Variants in DNMT1 observed in about 807,000 individuals in gnomAD.
The protein encoded by DNMT1 is DNA methyltransferase 1.
DNMT1 carries 24 observed loss-of-function variants against 205.3 expected under a neutral mutation model. The ratio of observed to expected loss-of-function variants is 0.12; its 90% CI spans 0.08 to 0.16. The LOEUF is 0.16. Among genes scored for constraint, DNMT1 ranks in the 10% least tolerant of loss-of-function variants. DNMT1 has a pLI of 1.00. For missense variants in DNMT1, 1,293 were observed against 2,177.7 expected (o/e 0.59, Z 8.09); for synonymous variants, 817 against 839.8 (o/e 0.97, Z 0.47).
intron 1 of DNMT1, among the ~76,000 whole-genome samples, chr19:10,193,483 T>C (rs980244178): frequency 2.0e-5 from 3 of 151,806 alleles, no homozygotes; most frequent in Middle Eastern, 3.2e-3. Context: ...CCCACCTTAG[T>C]CTGTTGAGTA....
intron 19 of DNMT1, 68 bp from the exon 20 acceptor site, chr19:10,155,124 A>G (rs2038429753): frequency 1.2e-6 from 2 of 1,601,668 alleles, no homozygotes; most frequent in Non-Finnish European, 1.7e-6. Flanking sequence ...GCCACAGGGC[A>G]TGGAGGAGTC....
chr19:10,137,763 G>A lies in DNMT1; in HGVS notation c.4293+69C>T, dbSNP rs2089519460. On this transcript the variant is annotated intron_variant, in intron 36 of 40. Transcript: ENST00000359526. The surrounding 1 kb of genome is among the most constrained non-coding windows in gnomAD (Gnocchi z 6.4). ...CCATGTCTCCCCTGAGTCTTGGGCA[G>A]GCTGACTGTTCCCACGAGGCTGCTG... 4 of 1,572,076 alleles carry A rather than the reference G, an allele frequency of 2.5e-6. No homozygotes were observed. Among genetic ancestry groups the A allele is most frequent in the East Asian group, 2.3e-5 (1 of 42,988 alleles).
intron 12 of DNMT1, 23 bp from the exon 13 acceptor site, chr19:10,162,771 G>A (rs1233244565): frequency 1.2e-6 from 2 of 1,612,730 alleles, no homozygotes; most frequent in Non-Finnish European, 1.7e-6. Flanking sequence ...CAGATACACA[G>A]CAAGTAGCAG....
chr19:10,150,110 T>C, intron 24 of DNMT1, 142 bp from the exon 25 acceptor site: 2 of 765,738 alleles, frequency 2.6e-6, no homozygotes, highest in East Asian at 5.3e-5. Flanking sequence ...AAAGAGAACA[T>C]CCTGTTCTAC....
At chr19:10,193,444 G>T (rs2145414157) in intron 1 of DNMT1, among the ~76,000 whole-genome samples, 1 of 148,968 alleles carries the variant, frequency 6.7e-6, no homozygotes, top group South Asian at 2.3e-4. Flanking sequence ...GCTACACACA[G>T]CCTCAACCTC....
Position 10,151,457 on chromosome 19 carries a change from G to C in DNMT1, c.2206C>G (p.Gln736Glu), listed in dbSNP as rs766357104. 1.4e-5 allele frequency: 22 copies of C among 1,613,952 alleles called. No individual in the cohort carries two copies. Among genetic ancestry groups the C allele is most frequent in the Admixed American group, 1.7e-5 (1 of 59,984 alleles). The change falls in exon 24 of 41, where the codon CAG becomes GAG. Residue 736 changes from glutamine (Q) to glutamate (E), a missense_variant. By Grantham distance (29) the Gln-to-Glu change is conservative. Transcript: ENST00000359526. This position sits in a 1 kb window ranked among gnomAD's most constrained non-coding sequence, Gnocchi z 5.0. The part of the protein sequence containing the change: ...PEMPSPKKMH[Q>E]GKKKKQNKNR... Reference sequence around the variant, plus strand: ...TTGTTCTGTTTCTTCTTCTTCCCCTGGTGCATTTTTTTGGGTGACGGCATC... The same window carrying C: ...TTGTTCTGTTTCTTCTTCTTCCCCTCGTGCATTTTTTTGGGTGACGGCATC...
rs368834599 is a variant in DNMT1 at position 10,149,564 on chromosome 19, C to T, written c.2475G>A (p.Ser825=). 7.6e-5 allele frequency: 123 copies of T among 1,613,938 alleles called. No individual in the cohort carries two copies. The highest frequency in any genetic ancestry group is 3.6e-4 in the African/African-American group (27 of 74,966). ...AGTDTVLGAT[S]DPLELFLVDE... ...CCACCAAGAACAGCTCCAGAGGGTC[C>T]GACGTGGCCCCGAGGACTGTGTCTG... is the stretch of plus-strand genomic sequence containing the variant. The change falls in exon 26 of 41, where the codon TCG becomes TCA. Residue 825 remains serine (S), a synonymous_variant. Coordinates refer to ENST00000359526, the MANE Select transcript of DNMT1 (RefSeq NM_001130823.3).
rs760003805 is a variant in DNMT1, at chr19:10,143,908, A to G, written c.2974T>C (p.Tyr992His). The G allele has an allele frequency of 6.2e-7, 1 of 1,614,048 alleles. No homozygotes were observed. The highest frequency in any genetic ancestry group is 1.7e-5 in the Admixed American group (1 of 60,004). The change falls in exon 29 of 41, where the codon TAC (tyrosine) becomes CAC (histidine). Residue 992 changes from tyrosine to histidine, a missense_variant. By Grantham distance (83) the Tyr-to-His change is moderately conservative. Transcript: ENST00000359526. ...TTGCTGCCTTTGATGTAGTCGGAGT[A>G]TTTCCGGTAGTGCTCTGGGTACAGG... ...EDLYPEHYRK[Y>H]SDYIKGSNLD...
In DNMT1 at chr19:10,143,804, A is replaced by G. The variant is rs1329787369; in HGVS notation, c.3078T>C (p.Asn1026=). 1.9e-6 allele frequency: 3 copies of G among 1,614,024 alleles called. No individual in the cohort carries two copies. The highest frequency in any genetic ancestry group is 2.5e-6 in the Non-Finnish European group (3 of 1,180,018). The part of the protein sequence containing the change: ...FCPKKSNGRP[N]ETDIKIRVNK... ...TGACCCGGATTTTGATGTCAGTCTC[A>G]TTGGGCCTGCCGTTGCTCTTCTTGG... is the stretch of plus-strand genomic sequence containing the variant. Residue 1026 remains asparagine, a synonymous_variant, in exon 29 of 41, where the codon AAT becomes AAC. Coordinates refer to ENST00000359526, the MANE Select transcript of DNMT1 (RefSeq NM_001130823.3).
Position 10,138,805 on chromosome 19 carries a change from G to A in DNMT1, c.3949-200C>T, listed in dbSNP as rs891473423. ...GCAGATAAAGAACAAAAGCAGCTGA[G>A]CCCAGGGGACAGCCACTGGGGAAGG... is the stretch of plus-strand genomic sequence containing the variant. On this transcript the variant is annotated intron_variant, in intron 34 of 40. Transcript: ENST00000359526. The surrounding 1 kb of genome is among the most constrained non-coding windows in gnomAD (Gnocchi z 4.1). 3.9e-4 allele frequency among the ~76,000 whole-genome samples: 59 copies of A among 152,218 alleles called. No homozygotes were observed. The highest frequency in any genetic ancestry group is 1.4e-3 in the African/African-American group (56 of 41,460).
rs970719002 is a variant in DNMT1 at position 10,169,130 on chromosome 19, T to G, written c.769-766A>C. ...CAGGCGTGAGCCACCATGCCCAGCC[T>G]GAGGCTGCATTTAAAGAACCAGACA... On this transcript the variant is annotated intron_variant, in intron 9 of 40. Coordinates refer to ENST00000359526, the MANE Select transcript of DNMT1 (RefSeq NM_001130823.3). Among the ~76,000 whole-genome samples, 6 of 151,352 alleles carry G rather than the reference T, an allele frequency of 4.0e-5. No individual in the cohort carries two copies. In the East Asian group the frequency reaches 9.9e-4, roughly 25 times the overall value.
At chr19:10,141,602 C>T (rs1198341093) in intron 30 of DNMT1, 5 of 338,870 alleles carry the variant, frequency 1.5e-5, no homozygotes, top group Non-Finnish European at 2.2e-5. Flanking sequence ...CTCTCCATAA[C>T]GAGGGCCACC....
At position 10,138,501 on chromosome 19, in the gene DNMT1, A is replaced by T; in HGVS notation, c.4053T>A (p.Ala1351=). 6.2e-7 allele frequency: 1 copy of T among 1,613,560 alleles called. No homozygotes were observed. Among genetic ancestry groups the T allele is most frequent in the Non-Finnish European group, 8.5e-7 (1 of 1,180,040 alleles). ...CCACGCTCAGCTGGCAGGCCCGGGG[A>T]GCAAACACGTGCAGTGGCTCCGGGA... is the stretch of plus-strand genomic sequence containing the variant. ...PLFPEPLHVF[A]PRACQLSVVV... is the part of the protein sequence containing the mutation. Residue 1351 remains alanine, a synonymous_variant, in exon 35 of 41, where the codon GCT becomes GCA. Coordinates refer to ENST00000359526, the MANE Select transcript of DNMT1 (RefSeq NM_001130823.3). This position sits in a 1 kb window ranked among gnomAD's most constrained non-coding sequence, Gnocchi z 4.1.
At chr19:10,162,395 G>A (rs1465627419) in intron 13 of DNMT1, among the ~76,000 whole-genome samples, 1 of 151,364 alleles carries the variant, frequency 6.6e-6, no homozygotes, top group Non-Finnish European at 1.5e-5. Flanking sequence ...TCAGCCTCTC[G>A]AGTAGCTGGG....
intron 22 of DNMT1, among the ~76,000 whole-genome samples, chr19:10,153,498 A>G (rs2038391547): frequency 2.0e-5 from 3 of 151,896 alleles, no homozygotes; most frequent in Admixed American, 6.6e-5. Flanking sequence ...TTAGCCGGGT[A>G]TGGTGGCGGG....
At chr19:10,166,824 A>G in intron 10 of DNMT1, 139 bp from the exon 11 acceptor site, 1 of 852,752 alleles carries the variant, frequency 1.2e-6, no homozygotes, top group South Asian at 1.4e-5. Context: ...CACTGCAGGA[A>G]GCCCAGAGGG....
chr19:10,151,459 T>A lies in DNMT1; in HGVS notation c.2204A>T (p.His735Leu). 6.2e-7 allele frequency: 1 copy of A among 1,614,148 alleles called. No individual in the cohort carries two copies. The highest frequency in any genetic ancestry group is 1.7e-5 in the Admixed American group (1 of 60,018). The change falls in exon 24 of 41, where the codon CAC becomes CTC. Residue 735 changes from histidine (H) to leucine (L), a missense_variant. By Grantham distance (99) the His-to-Leu change is moderately conservative. Coordinates refer to ENST00000359526, the MANE Select transcript of DNMT1 (RefSeq NM_001130823.3). This position sits in a 1 kb window ranked among gnomAD's most constrained non-coding sequence, Gnocchi z 5.0. ...GTTCTGTTTCTTCTTCTTCCCCTGG[T>A]GCATTTTTTTGGGTGACGGCATCTC... is the stretch of plus-strand genomic sequence containing the variant. ...IPEMPSPKKM[H>L]QGKKKKQNKN...
chr19:10,168,139 AAATT>A (rs1228862512), intron 10 of DNMT1, among the ~76,000 whole-genome samples, 187 bp downstream of exon 10: 1 of 152,006 alleles, frequency 6.6e-6, no homozygotes, highest in Non-Finnish European at 1.5e-5. Context: ...AAATTAAATT[AAATT>A]AAAGTTAAAA....
chr19:10,142,598 A>T (rs929717010), intron 29 of DNMT1, among the ~76,000 whole-genome samples: 3 of 146,906 alleles, frequency 2.0e-5, no homozygotes, highest in African/African-American at 7.6e-5. Context: ...CCCCACAATT[A>T]GGGAACCGCC....
Sources: gnomAD v4.1 joint callset for allele counts (sites outside exome capture counted in the v4.1 genomes callset) on GRCh38, gnomAD v4.1.1 for gene constraint, Gnocchi (gnomAD v3.1) non-coding constraint, MANE v1.5 for transcripts, NCBI Gene and HGNC (gene_info 2026-07-23, HGNC 2026-07-21) for gene names.